The following CHRNB1 variants were observed in gnomAD, a reference collection of about 807,000 sequenced individuals.
CHRNB1 encodes cholinergic receptor nicotinic beta 1 subunit.
A neutral mutation model predicts 53.8 loss-of-function variants in CHRNB1; 47 were observed. The ratio of observed to expected loss-of-function variants is 0.87; its 90% CI spans 0.69 to 1.11. The LOEUF (loss-of-function observed/expected upper bound fraction) is 1.11, where lower values mean the gene tolerates loss of function less well. CHRNB1 is among the 50% of genes most tolerant of loss of function. CHRNB1 has a pLI of 0.00. For missense variants in CHRNB1, 605 were observed against 654.9 expected (o/e 0.92, Z 0.83); for synonymous variants, 259 against 263.5 (o/e 0.98, Z 0.16).
At position 7,455,866 on chromosome 17, in the gene CHRNB1, TC is replaced by T. The variant is rs1239393228; in HGVS notation, c.1292del (p.Pro431ArgfsTer26). Reference sequence around the variant, plus strand: ...GTCCAAACCGGGCTGTGGCCCTGCTTCCGGAGCTACGGGAGGTCGTCTCCTC... The same window carrying T: ...GTCCAAACCGGGCTGTGGCCCTGCTTCGGAGCTACGGGAGGTCGTCTCCTC... Reference protein sequence around the residue: ...DGPNRAVALLPELREVVSSIS... With the variant: ...DGPNRAVALLXELREVVSSIS... On this transcript the variant is annotated frameshift_variant, in exon 10 of 11. Transcript: ENST00000306071. LOFTEE classifies it high-confidence loss of function. The T allele has an allele frequency of 5.6e-6, 9 of 1,614,004 alleles. No homozygotes were observed. Among genetic ancestry groups the T allele is most frequent in the Non-Finnish European group, 7.6e-6 (9 of 1,179,990 alleles).
chr17:7,455,203 T>G, intron 8 of CHRNB1, 81 bp from the exon 9 acceptor site: 3 of 1,504,734 alleles, frequency 2.0e-6, no homozygotes, highest in Non-Finnish European at 2.8e-6. Context: ...GGAATGGGCA[T>G]GTGGAGTGGG....
intron 10 of CHRNB1, 100 bp from the exon 11 acceptor site, chr17:7,456,483 A>G: frequency 1.3e-6 from 2 of 1,504,226 alleles, no homozygotes; most frequent in Non-Finnish European, 1.8e-6. Context: ...GCCTCAAACC[A>G]GTGGTAGGAG....
chr17:7,455,522 G>GGAA (rs2069940601), intron 9 of CHRNB1, 66 bp downstream of exon 9: 1 of 1,588,066 alleles, frequency 6.3e-7, no homozygotes, highest in Non-Finnish European at 8.6e-7. Context: ...AAGAGTGTGC[G>GGAA]GAAGAAGCGG....
intron 5 of CHRNB1, 133 bp from the exon 6 acceptor site, chr17:7,447,370 A>G: frequency 9.1e-7 from 1 of 1,102,950 alleles, no homozygotes; most frequent in East Asian, 2.4e-5. Context: ...TCCCTCCCCC[A>G]TTAATGGCTT....
At position 7,456,747 on chromosome 17, in the gene CHRNB1, C is replaced by T. The variant is rs1157368856; in HGVS notation, c.*24C>T. 6.2e-7 allele frequency: 1 copy of T among 1,614,044 alleles called. No homozygotes were observed. The highest frequency in any genetic ancestry group is 1.7e-5 in the Admixed American group (1 of 60,012). ...GAAGACTGGAGGGTTGAGACCCAGG[C>T]CCCCTGCCAGTTGAAGTGAGAGTTT... On this transcript the variant is annotated 3_prime_UTR_variant, in exon 11 of 11. Coordinates refer to ENST00000306071, the MANE Select transcript of CHRNB1 (RefSeq NM_000747.3).
At chr17:7,446,246 G>A (rs1253122169) in intron 3 of CHRNB1, 133 bp downstream of exon 3, 1 of 798,932 alleles carries the variant, frequency 1.3e-6, no homozygotes, top group Non-Finnish European at 2.1e-6. Context: ...AAAGCTCGAA[G>A]AAACAACACT....
rs879886948 is a variant in CHRNB1, at chr17:7,457,317, CAA to C, written c.*605_*606del. 16 of 146,260 alleles carry C rather than the reference CAA, an allele frequency of 1.1e-4. 1 individual carries two copies. Among genetic ancestry groups the C allele is most frequent in the East Asian group, 4.0e-4 (2 of 5,046 alleles). The allele number at this position is 146,260 out of a possible 1,614,324, so 9.1% of individuals were successfully genotyped here. A position where few individuals can be genotyped will look rare whatever the true frequency, so the allele number is the denominator to read the frequency against. ...GGGCAACAAGAGCGAAACTCCATCTCAAAAAAAAAAAAGTGTCTTGTTCACTG... is the reference window on the plus strand; with the variant it reads ...GGGCAACAAGAGCGAAACTCCATCTCAAAAAAAAAAGTGTCTTGTTCACTG... On this transcript the variant is annotated 3_prime_UTR_variant, in exon 11 of 11. Transcript: ENST00000306071.
rs983967827 is a variant in CHRNB1, at chr17:7,447,097, C to G, written c.408C>G (p.Asp136Glu). The change falls in exon 5 of 11, where the codon GAC (aspartate) becomes GAG (glutamate). Residue 136 changes from aspartate (D) to glutamate (E), a missense_variant. Asp to Glu is a conservative substitution (Grantham distance 45). Coordinates refer to ENST00000306071, the MANE Select transcript of CHRNB1 (RefSeq NM_000747.3). ...ACATTAGCGTCGTGGTGTCCTCCGA[C>G]GGCTCCGTGCGTTGGCAACCCCCGG... ...ALDISVVVSS[D>E]GSVRWQPPGI... is the part of the protein sequence containing the mutation. 5.6e-6 allele frequency: 9 copies of G among 1,614,144 alleles called. No homozygotes were observed. The highest frequency in any genetic ancestry group is 7.6e-6 in the Non-Finnish European group (9 of 1,180,018).
intron 9 of CHRNB1, 33 bp downstream of exon 9, chr17:7,455,489 A>AGAGG (rs2069940198): frequency 6.2e-7 from 1 of 1,611,878 alleles, no homozygotes; most frequent in Middle Eastern, 1.7e-4. Context: ...CATAAGAGGG[A>AGAGG]GAGGGAGAAC....
Position 7,455,360 on chromosome 17 carries a change from C to G in CHRNB1, c.1121C>G (p.Pro374Arg). 2 of 1,614,190 alleles carry G rather than the reference C, an allele frequency of 1.2e-6. No homozygotes were observed. Among genetic ancestry groups the G allele is most frequent in the Non-Finnish European group, 1.7e-6 (2 of 1,180,036 alleles). The change falls in exon 9 of 11, where the codon CCT (proline) becomes CGT (arginine). Residue 374 changes from proline (P) to arginine (R), a missense_variant. Transcript: ENST00000306071. ...GAGAGAGACCTGATGCCGGAGCCCC[C>G]TCACTGTTCTTCTCCAGGAAGTGGC... The part of the protein sequence containing the change: ...KPERDLMPEP[P>R]HCSSPGSGWG...
chr17:7,445,183 C>A lies in CHRNB1; in HGVS notation c.56C>A (p.Pro19Gln), dbSNP rs759176796. The A allele has an allele frequency of 5.6e-6, 9 of 1,610,544 alleles. No individual in the cohort carries two copies. Among genetic ancestry groups the A allele is most frequent in the Non-Finnish European group, 7.6e-6 (9 of 1,179,518 alleles). Residue 19 changes from proline to glutamine, a missense_variant and splice_region_variant, in exon 1 of 11, where the codon CCA (proline) becomes CAA (glutamine). Coordinates refer to ENST00000306071, the MANE Select transcript of CHRNB1 (RefSeq NM_000747.3). The surrounding 1 kb of genome is among the most constrained non-coding windows in gnomAD (Gnocchi z 5.7). ...GGGGCGCTGGGGGCGCCGCTCGCCC[C>A]AGGTAAGTGTAGGCCCCGAAGGGGC... Reference protein sequence around the residue: ...LLGALGAPLAPGVRGSEAEGR... With the variant: ...LLGALGAPLAQGVRGSEAEGR...
chr17:7,448,892 T>C lies in CHRNB1; in HGVS notation c.820+104T>C. On this transcript the variant is annotated intron_variant, in intron 7 of 10. Coordinates refer to ENST00000306071, the MANE Select transcript of CHRNB1 (RefSeq NM_000747.3). The stretch of plus-strand genomic sequence containing the variant: ...TCCTGCCAATCCAAAGCATCATAGA[T>C]TGGGCTTCAGCAATCCCGCCCAGGC... The C allele has an allele frequency of 2.6e-5, 33 of 1,290,328 alleles. 1 individual carries two copies. The South Asian group carries it at 3.8e-4, about 15-fold the overall frequency. 79.9% of individuals were successfully genotyped at this position (1,290,328 alleles called of 1,614,324 possible). A position where few individuals can be genotyped will look rare whatever the true frequency, so the allele number is the denominator to read the frequency against.
chr17:7,455,818 T>TG lies in CHRNB1; in HGVS notation c.1243dup (p.Asp415GlyfsTer101). The TG allele has an allele frequency of 6.2e-7, 1 of 1,614,156 alleles. No homozygotes were observed. The highest frequency in any genetic ancestry group is 8.5e-7 in the Non-Finnish European group (1 of 1,180,030). On this transcript the variant is annotated frameshift_variant, in exon 10 of 11. Coordinates refer to ENST00000306071, the MANE Select transcript of CHRNB1 (RefSeq NM_000747.3). LOFTEE classifies it high-confidence loss of function. Reference sequence around the variant, plus strand: ...GGTTCCAGCCTGAACTGTCTGCCCCTGATCTGCGGCGATTTATCGATGGTC... The same window carrying TG: ...GGTTCCAGCCTGAACTGTCTGCCCCTGGATCTGCGGCGATTTATCGATGGTC...
intron 3 of CHRNB1, 90 bp downstream of exon 3, chr17:7,446,203 A>G: frequency 9.0e-7 from 1 of 1,110,526 alleles, no homozygotes; most frequent in Non-Finnish European, 1.4e-6. Context: ...TTTTTACATC[A>G]TGACTTTAGA....
chr17:7,456,050 T>G, intron 10 of CHRNB1, 109 bp downstream of exon 10: 2 of 63,026 alleles, frequency 3.2e-5, no homozygotes, highest in Non-Finnish European at 7.3e-5. Flanking sequence ...TTTTTTTGGC[T>G]TTTTTTTTTT....
rs2302764 is a variant in CHRNB1, at chr17:7,456,791, T to C, written c.*68T>C. 0.19 allele frequency: 302,630 copies of C among 1,593,962 alleles called. 36,723 individuals are homozygous for C. The highest frequency in any genetic ancestry group is 0.61 in the East Asian group (27,435 of 44,670). On this transcript the variant is annotated 3_prime_UTR_variant, in exon 11 of 11. Coordinates refer to ENST00000306071, the MANE Select transcript of CHRNB1 (RefSeq NM_000747.3). Reference sequence around the variant, plus strand: ...AGAGTTTGGTGATACTGTCAAGCCCTATCCTTCTCTGCCTCTTAACTCCTT... The same window carrying C: ...AGAGTTTGGTGATACTGTCAAGCCCCATCCTTCTCTGCCTCTTAACTCCTT...
intron 7 of CHRNB1, among the ~76,000 whole-genome samples, chr17:7,451,968 C>A (rs1420946736): frequency 6.6e-6 from 1 of 152,218 alleles, no homozygotes; most frequent in Admixed American, 6.5e-5. Context: ...CCCCCTCAAC[C>A]CCTGCTTTCA....
At chr17:7,448,147 G>A (rs1305628825) in intron 6 of CHRNB1, among the ~76,000 whole-genome samples, 2 of 149,808 alleles carry the variant, frequency 1.3e-5, no homozygotes, top group Non-Finnish European at 3.0e-5. Flanking sequence ...TATTTTGGGA[G>A]GTGGAGGCGG....
intron 7 of CHRNB1, among the ~76,000 whole-genome samples, chr17:7,452,176 C>T (rs1256056071): frequency 2.6e-5 from 4 of 151,902 alleles, no homozygotes; most frequent in African/African-American, 9.7e-5. Context: ...CTGCCTCAGC[C>T]TCCCGAGTAG....
Sources: gnomAD v4.1 joint callset for allele counts (sites outside exome capture counted in the v4.1 genomes callset) on GRCh38, gnomAD v4.1.1 for gene constraint, Gnocchi (gnomAD v3.1) non-coding constraint, MANE v1.5 for transcripts, NCBI Gene and HGNC (gene_info 2026-07-23, HGNC 2026-07-21) for gene names.